TDRP: variants seen among roughly 807,000 people sequenced by gnomAD.
The protein encoded by TDRP is testis development-related protein.
A neutral mutation model predicts 10.5 loss-of-function variants in TDRP; 12 were observed. That is an observed-to-expected ratio of 1.15 (90% CI 0.73 to 1.86). The LOEUF is 1.86. TDRP is among the 40% of genes most tolerant of loss of function. TDRP has a pLI of 0.00. For missense variants in TDRP, 353 were observed against 229.2 expected, an observed-to-expected ratio of 1.54 and a Z score of -3.49; for synonymous variants, 139 against 95.4, an observed-to-expected ratio of 1.46 and a Z score of -2.67.
intron 1 of TDRP, among the ~76,000 whole-genome samples, chr8:508,273 AG>A (rs1801518878): frequency 6.6e-6 from 1 of 152,232 alleles, no homozygotes; most frequent in Non-Finnish European, 1.5e-5. Context: ...AATTTAGAGA[AG>A]AAAAAATTAA....
intron 1 of TDRP, among the ~76,000 whole-genome samples, chr8:523,579 G>C (rs527370179): frequency 1.3e-5 from 2 of 152,274 alleles, no homozygotes; most frequent in African/African-American, 4.8e-5. Context: ...TGCCCTGAAG[G>C]ATATGTCCTA....
intron 1 of TDRP, among the ~76,000 whole-genome samples, chr8:516,004 CAA>C (rs1390568890): frequency 2.6e-4 from 40 of 152,120 alleles, no homozygotes; most frequent in African/African-American, 9.4e-4. Flanking sequence ...TCCAAAAGAA[CAA>C]GTTACAAGTT....
intron 1 of TDRP, among the ~76,000 whole-genome samples, chr8:503,200 G>A (rs1033598624): frequency 6.6e-6 from 1 of 151,876 alleles, no homozygotes; most frequent in Non-Finnish European, 1.5e-5. Flanking sequence ...CACCAACACA[G>A]AATCCACAGC....
At chr8:532,202 A>G (rs1802221190) in intron 1 of TDRP, among the ~76,000 whole-genome samples, 1 of 152,166 alleles carries the variant, frequency 6.6e-6, no homozygotes. Flanking sequence ...AGCAGGACAC[A>G]TCCAGGAAGG....
chr8:540,909 T>C (rs575267330), intron 1 of TDRP, among the ~76,000 whole-genome samples: 5 of 151,852 alleles, frequency 3.3e-5, no homozygotes, highest in Admixed American at 2.6e-4. Context: ...AAGCAGAATG[T>C]GCTCTCAACC....
intron 1 of TDRP, 83 bp downstream of exon 1, chr8:544,567 C>T: frequency 5.1e-6 from 5 of 980,854 alleles, no homozygotes; most frequent in East Asian, 3.3e-5. Context: ...ACTACCCGCA[C>T]CTCCACCTGC....
chr8:514,304 C>A (rs1028633070), intron 1 of TDRP, among the ~76,000 whole-genome samples: 2 of 152,176 alleles, frequency 1.3e-5, no homozygotes, highest in Non-Finnish European at 2.9e-5. Flanking sequence ...TAAACCCATA[C>A]ATATAAGGTC....
intron 1 of TDRP, among the ~76,000 whole-genome samples, chr8:531,291 C>A (rs534446484): frequency 6.6e-6 from 1 of 152,108 alleles, no homozygotes; most frequent in Non-Finnish European, 1.5e-5. Flanking sequence ...ATATTGTTGT[C>A]AGTCAGAGTC....
intron 1 of TDRP, among the ~76,000 whole-genome samples, chr8:497,685 A>G (rs1801173621): frequency 6.6e-6 from 1 of 152,226 alleles, no homozygotes; most frequent in Admixed American, 6.5e-5. Context: ...TTAATTGTCA[A>G]GACAATGGGG....
chr8:492,443 G>C lies in TDRP; in HGVS notation c.514C>G (p.Gln172Glu), dbSNP rs1182440650. Residue 172 changes from glutamine (Q) to glutamate (E), a missense_variant, in exon 3 of 3, where the codon CAG becomes GAG. Physicochemically the swap from Gln to Glu is conservative, Grantham distance 29. Coordinates refer to ENST00000324079, the MANE Select transcript of TDRP (RefSeq NM_001384899.1). ...AAGRLVSIRR[Q>E]SKGHLTDSPE... The stretch of plus-strand genomic sequence containing the variant: ...CTATCTGTCAGGTGGCCTTTACTCT[G>C]CCGTCGGATGCTCACCAGCCTCCCT... The C allele has an allele frequency of 6.3e-7, 1 of 1,591,026 alleles. No homozygotes were observed. Among genetic ancestry groups the C allele is most frequent in the East Asian group, 2.3e-5 (1 of 44,352 alleles).
At chr8:506,645 C>T (rs993810458) in intron 1 of TDRP, among the ~76,000 whole-genome samples, 8 of 152,174 alleles carry the variant, frequency 5.3e-5, no homozygotes, top group Admixed American at 1.3e-4. Context: ...CTCCCCACTA[C>T]GGCAAATGCT....
At chr8:502,745 ACCCATG>A (rs1224156009) in intron 1 of TDRP, among the ~76,000 whole-genome samples, 5 of 151,638 alleles carry the variant, frequency 3.3e-5, no homozygotes, top group Middle Eastern at 3.2e-3. Flanking sequence ...ACACAATGGA[ACCCATG>A]CCCAACTCAG....
At chr8:540,450 T>C (rs548786664) in intron 1 of TDRP, among the ~76,000 whole-genome samples, 18 of 152,316 alleles carry the variant, frequency 1.2e-4, no homozygotes, top group African/African-American at 4.3e-4. Context: ...CTTAACAATG[T>C]TTCCCATTAG....
At chr8:493,774 T>C (rs551297594) in intron 2 of TDRP, among the ~76,000 whole-genome samples, 1 of 152,306 alleles carries the variant, frequency 6.6e-6, no homozygotes, top group Non-Finnish European at 1.5e-5. Flanking sequence ...TTTTTGGTGG[T>C]GGTTGTTTTT....
chr8:520,887 T>A (rs566281659), intron 1 of TDRP, among the ~76,000 whole-genome samples: 2 of 152,168 alleles, frequency 1.3e-5, no homozygotes, highest in Admixed American at 6.5e-5. Flanking sequence ...ATTCCAAACG[T>A]TGCATTTTTA....
intron 1 of TDRP, among the ~76,000 whole-genome samples, chr8:500,534 T>C (rs1801262373): frequency 6.6e-6 from 1 of 152,206 alleles, no homozygotes; most frequent in South Asian, 2.1e-4. Flanking sequence ...AGTGACACTC[T>C]CAGAAGTGCC....
intron 1 of TDRP, among the ~76,000 whole-genome samples, chr8:534,117 A>T (rs991749173): frequency 2.0e-5 from 3 of 152,240 alleles, no homozygotes; most frequent in Non-Finnish European, 4.4e-5. Context: ...AGAATTCAAC[A>T]AAGAATATAA....
rs1801075374 is a variant in TDRP at position 494,509 on chromosome 8, G to A, written c.197C>T (p.Ser66Phe). The change falls in exon 2 of 3, where the codon TCT (serine) becomes TTT (phenylalanine). Residue 66 changes from serine (S) to phenylalanine (F), a missense_variant. Physicochemically the swap from Ser to Phe is radical, Grantham distance 155. Coordinates refer to ENST00000324079, the MANE Select transcript of TDRP (RefSeq NM_001384899.1). ...DEQHLLERCK[S>F]PKSKGTNLRL... ...TATGACTTACCCTTTGGACTTGGGA[G>A]ATTTACATCTTTCCAGGAGATGCTG... 1 of 1,613,844 alleles carries A rather than the reference G, an allele frequency of 6.2e-7. No homozygotes were observed. The highest frequency in any genetic ancestry group is 1.7e-5 in the Admixed American group (1 of 60,026).
In TDRP at chr8:491,832, G is replaced by C; in HGVS notation, c.*567C>G. 2 of 1,234,196 alleles carry C rather than the reference G, an allele frequency of 1.6e-6. No homozygotes were observed. The highest frequency in any genetic ancestry group is 3.5e-5 in the South Asian group (1 of 28,776). 76.5% of individuals were successfully genotyped at this position (1,234,196 alleles called of 1,614,324 possible). A position where few individuals can be genotyped will look rare whatever the true frequency, so the allele number is the denominator to read the frequency against. ...AGCAAAAGATGAACATGCATTTTAA[G>C]ATACATTTTACTCCCAAATATAAGC... is the stretch of plus-strand genomic sequence containing the variant. On this transcript the variant is annotated 3_prime_UTR_variant, in exon 3 of 3. Transcript: ENST00000324079.
Sources: allele counts gnomAD v4.1 joint callset (sites outside exome capture counted in the v4.1 genomes callset), GRCh38; gene constraint gnomAD v4.1.1; transcripts MANE v1.5; gene names NCBI Gene and HGNC (gene_info 2026-07-23, HGNC 2026-07-21).